SPECC1L: variants seen among roughly 807,000 people sequenced by gnomAD.
The protein encoded by SPECC1L is sperm antigen with calponin homology and coiled-coil domains 1 like.
In SPECC1L, 40 loss-of-function variants were observed where a neutral mutation model predicts 116.8. That is an observed-to-expected ratio of 0.34 (90% CI 0.27 to 0.45). The LOEUF is 0.45. Among genes scored for constraint, SPECC1L ranks in the 20% least tolerant of loss-of-function variants. The probability of loss-of-function intolerance (pLI) is 1.00; values close to 1 mark genes in which losing one functional copy is unlikely to be tolerated. For synonymous variants in SPECC1L, 504 were observed against 500.6 expected, an observed-to-expected ratio of 1.01 and a Z score of -0.09; for missense variants, 1,110 against 1,373.6, an observed-to-expected ratio of 0.81 and a Z score of 3.03.
At chr22:24,352,070 G>A (rs2041437466) in intron 11 of SPECC1L, among the ~76,000 whole-genome samples, 1 of 152,012 alleles carries the variant, frequency 6.6e-6, no homozygotes, top group Admixed American at 6.5e-5. Flanking sequence ...GCACTTGCAG[G>A]AAAATGTTTC....
At chr22:24,361,410 A>T (rs772522607) in intron 11 of SPECC1L, among the ~76,000 whole-genome samples, 3 of 152,064 alleles carry the variant, frequency 2.0e-5, no homozygotes, top group East Asian at 1.9e-4. Flanking sequence ...AATAAATAAA[A>T]AATAAAAAGA....
chr22:24,348,031 T>C (rs922385234), intron 11 of SPECC1L, among the ~76,000 whole-genome samples: 1 of 152,122 alleles, frequency 6.6e-6, no homozygotes, highest in African/African-American at 2.4e-5. Context: ...ATCCCACCTT[T>C]CGAGGTTGAG....
At position 24,346,647 on chromosome 22, in the gene SPECC1L, T is replaced by C. The variant is rs528745386; in HGVS notation, c.2653-439T>C. ...AGGGGGTTGGGGACGGGAAGAGGGG[T>C]GTGACTGTAAAAGGGCCCCAGGAAG... On this transcript the variant is annotated intron_variant, in intron 10 of 16. Transcript: ENST00000314328. Among the ~76,000 whole-genome samples, 6 of 152,034 alleles carry C rather than the reference T, an allele frequency of 3.9e-5. No individual in the cohort carries two copies. The South Asian group carries it at 1.0e-3, about 26-fold the overall frequency.
At chr22:24,380,861 C>T (rs2042050803) in intron 14 of SPECC1L, among the ~76,000 whole-genome samples, 1 of 152,014 alleles carries the variant, frequency 6.6e-6, no homozygotes, top group African/African-American at 2.4e-5. Flanking sequence ...TTGGGTCTTC[C>T]TTTTTTTCTC....
At chr22:24,402,137 C>T (rs2042490393) in intron 14 of SPECC1L, among the ~76,000 whole-genome samples, 1 of 139,510 alleles carries the variant, frequency 7.2e-6, no homozygotes, top group Admixed American at 7.4e-5. Flanking sequence ...CCTTCCCCTT[C>T]CTTCCCCTTC....
chr22:24,369,081 G>T, intron 13 of SPECC1L, 137 bp from the exon 14 acceptor site: 2 of 695,826 alleles, frequency 2.9e-6, no homozygotes, highest in Non-Finnish European at 5.2e-6. Context: ...AAAATCAAAT[G>T]TATGAAAAAC....
intron 16 of SPECC1L, among the ~76,000 whole-genome samples, chr22:24,414,243 G>A (rs1202320184): frequency 6.6e-6 from 1 of 152,214 alleles, no homozygotes; most frequent in Non-Finnish European, 1.5e-5. Flanking sequence ...GGCGCGGGGA[G>A]GAGGGAGGAA....
rs2042794612 is a variant in SPECC1L at position 24,416,031 on chromosome 22, G to A, written c.*1408G>A. 2 of 152,282 alleles carry A rather than the reference G, an allele frequency of 1.3e-5. No individual in the cohort carries two copies. Among genetic ancestry groups the A allele is most frequent in the Non-Finnish European group, 2.9e-5 (2 of 68,070 alleles). 9.4% of individuals were successfully genotyped at this position (152,282 alleles called of 1,614,324 possible). A position where few individuals can be genotyped will look rare whatever the true frequency, so the allele number is the denominator to read the frequency against. On this transcript the variant is annotated 3_prime_UTR_variant, in exon 17 of 17. Coordinates refer to ENST00000314328, the MANE Select transcript of SPECC1L (RefSeq NM_015330.6). ...GGAAGACCAGCCACCAGTGGAAGCG[G>A]GGTCACTGCCCCACAGACTGGATGC...
At chr22:24,309,152 C>CACAT (rs1012171177) in intron 3 of SPECC1L, among the ~76,000 whole-genome samples, 13 of 152,108 alleles carry the variant, frequency 8.5e-5, no homozygotes, top group Admixed American at 6.5e-5. Context: ...CACACACACA[C>CACAT]GCACATATCT....
At chr22:24,382,553 A>C (rs888384796) in intron 14 of SPECC1L, among the ~76,000 whole-genome samples, 3 of 152,038 alleles carry the variant, frequency 2.0e-5, no homozygotes, top group Non-Finnish European at 1.5e-5. Context: ...AATACAAAAA[A>C]TGAGCTGGGT....
At chr22:24,392,008 G>A (rs1410998906) in intron 14 of SPECC1L, among the ~76,000 whole-genome samples, 1 of 152,146 alleles carries the variant, frequency 6.6e-6, no homozygotes, top group Non-Finnish European at 1.5e-5. Flanking sequence ...AGAAGTTAGA[G>A]GAAGTCAGAC....
intron 3 of SPECC1L, 46 bp from the exon 4 acceptor site, chr22:24,313,267 T>A (rs2040496183): frequency 6.2e-7 from 1 of 1,604,468 alleles, no homozygotes; most frequent in African/African-American, 1.3e-5. Context: ...AAATATCTAA[T>A]CTTGCTTGAT....
At chr22:24,334,748 C>T (rs1469667012) in intron 9 of SPECC1L, among the ~76,000 whole-genome samples, 175 bp downstream of exon 9, 1 of 152,208 alleles carries the variant, frequency 6.6e-6, no homozygotes, top group Non-Finnish European at 1.5e-5. Context: ...TTTGAGATCT[C>T]TTCAGCTTCA....
intron 14 of SPECC1L, among the ~76,000 whole-genome samples, chr22:24,388,864 T>C (rs571701611): frequency 1.9e-4 from 29 of 152,314 alleles, no homozygotes; most frequent in Non-Finnish European, 2.2e-4. Context: ...ACCATACAAC[T>C]CACCAAGTTG....
chr22:24,344,104 A>C (rs762941546), intron 10 of SPECC1L, among the ~76,000 whole-genome samples: 4 of 152,214 alleles, frequency 2.6e-5, no homozygotes, highest in Non-Finnish European at 5.9e-5. Context: ...TTTCCAGTTC[A>C]TTTTAGGAAG....
intron 8 of SPECC1L, among the ~76,000 whole-genome samples, chr22:24,331,202 T>C (rs1416168565): frequency 1.3e-5 from 2 of 152,238 alleles, no homozygotes; most frequent in African/African-American, 2.4e-5. Context: ...TGTTTGAGGT[T>C]ATTACTAAGA....
chr22:24,367,056 TG>T (rs1184410507), intron 13 of SPECC1L, among the ~76,000 whole-genome samples: 1 of 152,170 alleles, frequency 6.6e-6, no homozygotes, highest in Non-Finnish European at 1.5e-5. Flanking sequence ...TAGCCTGATC[TG>T]GTTTTGCGCA....
At chr22:24,382,346 T>C (rs1254739062) in intron 14 of SPECC1L, among the ~76,000 whole-genome samples, 3 of 152,024 alleles carry the variant, frequency 2.0e-5, no homozygotes, top group Non-Finnish European at 4.4e-5. Flanking sequence ...GACTAAAATT[T>C]GAATTGAGGG....
chr22:24,282,751 A>G (rs1325202985), intron 2 of SPECC1L, among the ~76,000 whole-genome samples: 3 of 151,206 alleles, frequency 2.0e-5, no homozygotes, highest in South Asian at 2.1e-4. Flanking sequence ...TTTAGTTTAC[A>G]ATGTGGTGAG....
Sources: gnomAD v4.1 joint callset for allele counts (sites outside exome capture counted in the v4.1 genomes callset) on GRCh38, gnomAD v4.1.1 for gene constraint, MANE v1.5 for transcripts, NCBI Gene and HGNC (gene_info 2026-07-23, HGNC 2026-07-21) for gene names.